Variants in CDH4 observed in about 807,000 individuals in gnomAD.
The protein encoded by CDH4 is cadherin-4.
CDH4 carries 33 observed loss-of-function variants against 86.0 expected under a neutral mutation model. The observed-to-expected ratio is 0.38, with a 90% CI of 0.29 to 0.51. The LOEUF is 0.51. Ranked by LOEUF, CDH4 falls within the 20% of genes least tolerant of loss-of-function variation. The pLI, the probability that CDH4 is intolerant of heterozygous loss-of-function variation, is 0.86. For missense variants in CDH4, 1,114 were observed against 1,307.4 expected, an observed-to-expected ratio of 0.85 and a Z score of 2.28; for synonymous variants, 555 against 549.4, an observed-to-expected ratio of 1.01 and a Z score of -0.14.
At position 61,807,090 on chromosome 20, in the gene CDH4, A is replaced by G. The variant is rs1254706819; in HGVS notation, c.576+33908A>G. Among the ~76,000 whole-genome samples, 1 of 152,196 alleles carries G rather than the reference A, an allele frequency of 6.6e-6. No homozygotes were observed. Among genetic ancestry groups the G allele is most frequent in the African/African-American group, 2.4e-5 (1 of 41,460 alleles). Reference sequence around the variant, plus strand: ...TTGAAAATGTCTCGCTCATCCCCTGATCTATGAGCTCCCAGGGCCCCGCAG... The same window carrying G: ...TTGAAAATGTCTCGCTCATCCCCTGGTCTATGAGCTCCCAGGGCCCCGCAG... On this transcript the variant is annotated intron_variant, in intron 4 of 15. Coordinates refer to ENST00000614565, the MANE Select transcript of CDH4 (RefSeq NM_001794.5). The surrounding 1 kb of genome is among the most constrained non-coding windows in gnomAD (Gnocchi z 4.5).
intron 8 of CDH4, among the ~76,000 whole-genome samples, chr20:61,910,105 G>C (rs1211115880): frequency 6.6e-6 from 1 of 152,212 alleles, no homozygotes; most frequent in South Asian, 2.1e-4. Context: ...GGCTGACACG[G>C]TGTGTTCTGT....
chr20:61,548,220 C>G (rs1165307948), intron 2 of CDH4, among the ~76,000 whole-genome samples: 1 of 152,176 alleles, frequency 6.6e-6, no homozygotes, highest in Non-Finnish European at 1.5e-5. Context: ...ACCCAAAAAC[C>G]TGTACAGTTC....
intron 15 of CDH4, among the ~76,000 whole-genome samples, chr20:61,935,615 G>A (rs909122226): frequency 7.9e-5 from 12 of 151,938 alleles, no homozygotes; most frequent in African/African-American, 1.9e-4. Context: ...AAAATTAGCC[G>A]GCGTGGTGGC....
chr20:61,438,251 T>A (rs1040414647), intron 2 of CDH4, among the ~76,000 whole-genome samples: 1 of 152,166 alleles, frequency 6.6e-6, no homozygotes, highest in East Asian at 1.9e-4. Flanking sequence ...TTAAAAAAAA[T>A]TATACTACCA....
intron 4 of CDH4, among the ~76,000 whole-genome samples, chr20:61,799,752 G>T (rs1413029277): frequency 6.6e-6 from 1 of 152,208 alleles, no homozygotes; most frequent in Non-Finnish European, 1.5e-5. Flanking sequence ...CCGCTCCTGG[G>T]TGGGCAGGGC....
At chr20:61,831,297 C>G (rs1329261531) in intron 4 of CDH4, among the ~76,000 whole-genome samples, 2 of 152,182 alleles carry the variant, frequency 1.3e-5, no homozygotes, top group Non-Finnish European at 2.9e-5. Context: ...TCGTGGTGAC[C>G]AGCAAAGACC....
intron 2 of CDH4, among the ~76,000 whole-genome samples, chr20:61,456,118 G>A (rs997188654): frequency 4.6e-5 from 7 of 152,162 alleles, no homozygotes; most frequent in East Asian, 3.9e-4. Flanking sequence ...ATAGATGGAT[G>A]GAGAGTGGAT....
At chr20:61,508,388 C>G (rs549603999) in intron 2 of CDH4, among the ~76,000 whole-genome samples, 1 of 152,238 alleles carries the variant, frequency 6.6e-6, no homozygotes, top group African/African-American at 2.4e-5. Flanking sequence ...TTCAGCCACA[C>G]GGGTGCCCCC....
intron 2 of CDH4, among the ~76,000 whole-genome samples, chr20:61,302,570 G>A (rs59791398): frequency 0.013 from 2,042 of 152,148 alleles, 55 homozygotes; most frequent in African/African-American, 0.047. Context: ...GCAGGGAATC[G>A]GCATTGTTGT....
intron 2 of CDH4, among the ~76,000 whole-genome samples, chr20:61,672,436 G>A (rs1208622588): frequency 6.6e-6 from 1 of 152,158 alleles, no homozygotes; most frequent in Non-Finnish European, 1.5e-5. Context: ...GGAGCCCTCC[G>A]CAAAGTCAGA....
chr20:61,793,765 G>A (rs1397420983), intron 4 of CDH4, among the ~76,000 whole-genome samples: 1 of 151,516 alleles, frequency 6.6e-6, no homozygotes, highest in Admixed American at 6.6e-5. Context: ...CTTGAACCCG[G>A]GAGGTGGAGG....
intron 2 of CDH4, among the ~76,000 whole-genome samples, chr20:61,310,710 G>C (rs1278402700): frequency 6.6e-6 from 1 of 152,160 alleles, no homozygotes; most frequent in Admixed American, 6.5e-5. Context: ...CTGGGGGCTG[G>C]AAGTCTGGGA....
rs1983546937 is a variant in CDH4 at position 61,866,319 on chromosome 20, T to A, written c.878-7409T>A. ...TTGGACAGCCAGGGTTTTCCACACC[T>A]GCGATTTTTTCCTTAGGATAAACTC... On this transcript the variant is annotated intron_variant, in intron 6 of 15. Coordinates refer to ENST00000614565, the MANE Select transcript of CDH4 (RefSeq NM_001794.5). 3.3e-5 allele frequency among the ~76,000 whole-genome samples: 5 copies of A among 152,322 alleles called. No homozygotes were observed. The South Asian group carries it at 1.0e-3, about 32-fold the overall frequency.
intron 1 of CDH4, among the ~76,000 whole-genome samples, chr20:61,253,759 G>C (rs944481661): frequency 2.0e-5 from 3 of 152,178 alleles, no homozygotes; most frequent in African/African-American, 7.2e-5. Context: ...CGCGGTGCCG[G>C]CGTCGGGAAG....
At chr20:61,450,615 T>C (rs1359150307) in intron 2 of CDH4, among the ~76,000 whole-genome samples, 1 of 152,008 alleles carries the variant, frequency 6.6e-6, no homozygotes, top group African/African-American at 2.4e-5. Flanking sequence ...TCTATGTCTA[T>C]TCCTATTAAA....
chr20:61,917,925 A>G (rs1183016746), intron 9 of CDH4, among the ~76,000 whole-genome samples: 1 of 152,266 alleles, frequency 6.6e-6, no homozygotes, highest in Non-Finnish European at 1.5e-5. Context: ...TTAACGCATG[A>G]CATGCAGCAT....
intron 2 of CDH4, among the ~76,000 whole-genome samples, chr20:61,575,198 C>G (rs1374550929): frequency 1.3e-5 from 2 of 152,202 alleles, no homozygotes; most frequent in African/African-American, 4.8e-5. Flanking sequence ...GGCCTAGTTT[C>G]TCTCTATTTC....
rs1472090517 is a variant in CDH4 at position 61,565,247 on chromosome 20, G to C, written c.170-178316G>C. On this transcript the variant is annotated intron_variant, in intron 2 of 15. Coordinates refer to ENST00000614565, the MANE Select transcript of CDH4 (RefSeq NM_001794.5). ...AGGTGGTGGTGGTGGTGGTGGCGGT[G>C]CTCTTGGTGATGGTGGTGGTGGTCC... 7.6e-4 allele frequency among the ~76,000 whole-genome samples: 88 copies of C among 116,246 alleles called. 3 individuals are homozygous for C. The highest frequency in any genetic ancestry group is 5.2e-3 in the South Asian group (17 of 3,270). 76.3% of individuals were successfully genotyped at this position (116,246 alleles called of 152,430 possible).
At chr20:61,687,454 C>T (rs2087597817) in intron 2 of CDH4, among the ~76,000 whole-genome samples, 1 of 152,212 alleles carries the variant, frequency 6.6e-6, no homozygotes, top group Non-Finnish European at 1.5e-5. Context: ...ACAGACACTG[C>T]CTCCTCAGCC....
Sources: gnomAD v4.1 joint callset for allele counts (sites outside exome capture counted in the v4.1 genomes callset) on GRCh38, gnomAD v4.1.1 for gene constraint, Gnocchi (gnomAD v3.1) non-coding constraint, MANE v1.5 for transcripts, NCBI Gene and HGNC (gene_info 2026-07-23, HGNC 2026-07-21) for gene names.